Variants in PREPL observed in about 807,000 individuals in gnomAD.
PREPL encodes prolyl endopeptidase like, also known as prolyl endopeptidase-like.
A neutral mutation model predicts 70.6 loss-of-function variants in PREPL; 77 were observed. The observed-to-expected ratio is 1.09, with a 90% confidence interval of 0.91 to 1.32. PREPL has a LOEUF of 1.32. PREPL is among the 40% of genes most tolerant of loss of function. PREPL has a pLI of 0.00. For missense variants in PREPL, 1,002 were observed against 778.2 expected (o/e 1.29, Z -3.42); for synonymous variants, 315 against 264.8 (o/e 1.19, Z -1.84).
chr2:44,326,383 CTTT>C (rs554397665), intron 10 of PREPL, among the ~76,000 whole-genome samples: 3 of 128,194 alleles, frequency 2.3e-5, no homozygotes, highest in African/African-American at 2.9e-5. Flanking sequence ...TTTTTCTTTC[CTTT>C]TTTTTTTTTT....
At chr2:44,343,650 T>C in intron 4 of PREPL, 95 bp downstream of exon 4, 1 of 1,105,616 alleles carries the variant, frequency 9.0e-7, no homozygotes. Context: ...GAATCAGGCA[T>C]TCACCTTCTC....
chr2:44,323,777 A>C (rs1454602474), intron 10 of PREPL, among the ~76,000 whole-genome samples: 1 of 152,174 alleles, frequency 6.6e-6, no homozygotes, highest in Non-Finnish European at 1.5e-5. Flanking sequence ...CAACAACAAC[A>C]AGTATTGGCA....
intron 1 of PREPL, among the ~76,000 whole-genome samples, chr2:44,352,879 G>A (rs1340173750): frequency 6.6e-6 from 1 of 152,156 alleles, no homozygotes; most frequent in Non-Finnish European, 1.5e-5. Context: ...GAAAAGGACA[G>A]ACAATTAAAA....
At chr2:44,358,253 C>A (rs559837729) in intron 1 of PREPL, among the ~76,000 whole-genome samples, 1 of 152,028 alleles carries the variant, frequency 6.6e-6, no homozygotes, top group Non-Finnish European at 1.5e-5. Context: ...TACATGCATA[C>A]AACACAGATG....
intron 1 of PREPL, chr2:44,359,417 T>C: frequency 9.1e-7 from 1 of 1,096,984 alleles, no homozygotes; most frequent in Non-Finnish European, 1.3e-6. Context: ...TTAGTAGCTC[T>C]GATATTCTAC....
chr2:44,348,106 A>T (rs371482442), intron 1 of PREPL, among the ~76,000 whole-genome samples: 8 of 152,110 alleles, frequency 5.3e-5, no homozygotes, highest in Non-Finnish European at 5.9e-5. Flanking sequence ...CCCAGGCTGG[A>T]CTCAAACTCC....
At position 44,338,578 on chromosome 2, in the gene PREPL, C is replaced by T. The variant is rs368797435; in HGVS notation, c.703-42G>A. On this transcript the variant is annotated intron_variant, in intron 6 of 13. Coordinates refer to ENST00000409411, the MANE Select transcript of PREPL (RefSeq NM_001171613.2). The stretch of plus-strand genomic sequence containing the variant: ...TAGAAGACATATAGGTAAGAAAACA[C>T]GAAGGCTGCAGCATCCAGAGATGCA... 5.5e-4 allele frequency: 821 copies of T among 1,489,746 alleles called. 1 individual carries two copies. The highest frequency in any genetic ancestry group is 8.1e-4 in the South Asian group (65 of 80,010). 92.3% of individuals were successfully genotyped at this position (1,489,746 alleles called of 1,614,324 possible). A position where few individuals can be genotyped will look rare whatever the true frequency, so the allele number is the denominator to read the frequency against.
rs1352909559 is a variant in PREPL, at chr2:44,317,938, TAAAATG to T, written c.*3412_*3417del. 4.0e-6 allele frequency: 1 copy of T among 249,198 alleles called. No homozygotes were observed. Among genetic ancestry groups the T allele is most frequent in the Non-Finnish European group, 8.1e-6 (1 of 122,880 alleles). The allele number at this position is 249,198 out of a possible 1,614,324, so 15.4% of individuals were successfully genotyped here. A position where few individuals can be genotyped will look rare whatever the true frequency, so the allele number is the denominator to read the frequency against. Reference sequence around the variant, plus strand: ...AACACTAACATAAAACACAAAGAATTAAAATGAAGATATAGCAAGCAAATAATAGAA... The same window carrying T: ...AACACTAACATAAAACACAAAGAATTAAGATATAGCAAGCAAATAATAGAA... On this transcript the variant is annotated 3_prime_UTR_variant, in exon 14 of 14. Coordinates refer to ENST00000409411, the MANE Select transcript of PREPL (RefSeq NM_001171613.2).
chr2:44,357,566 G>C (rs1374853415), intron 1 of PREPL, among the ~76,000 whole-genome samples: 1 of 152,194 alleles, frequency 6.6e-6, no homozygotes, highest in Non-Finnish European at 1.5e-5. Context: ...GAGTTATTGA[G>C]TCAGGTTAAA....
In PREPL at chr2:44,319,930, A is replaced by T. The variant is rs2103636467; in HGVS notation, c.*1426T>A. 2.6e-6 allele frequency: 1 copy of T among 388,098 alleles called. No homozygotes were observed. Among genetic ancestry groups the T allele is most frequent in the East Asian group, 5.1e-5 (1 of 19,674 alleles). The allele number at this position is 388,098 out of a possible 1,614,324, so 24.0% of individuals were successfully genotyped here. A position where few individuals can be genotyped will look rare whatever the true frequency, so the allele number is the denominator to read the frequency against. On this transcript the variant is annotated 3_prime_UTR_variant, in exon 14 of 14. Transcript: ENST00000409411. ...GCTTTGGGACTCCTAAAGTGGAGTC[A>T]AATTTGATCTCTACAGAAACTCTAC...
At position 44,326,705 on chromosome 2, in the gene PREPL, T is replaced by TACTCACC; in HGVS notation, c.1479_1479+6dup. 6.2e-7 allele frequency: 1 copy of TACTCACC among 1,608,906 alleles called. No individual in the cohort carries two copies. Among genetic ancestry groups the TACTCACC allele is most frequent in the Non-Finnish European group, 8.5e-7 (1 of 1,175,926 alleles). ...TTCTATAAACAGTAGAGACAGAGCG[T>TACTCACC]ACTCACCTCCAAAGTCACCGCTCTC... On this transcript the variant is annotated splice_region_variant and intron_variant, in intron 10 of 13. Transcript: ENST00000409411.
chr2:44,342,466 A>G lies in PREPL; in HGVS notation c.436T>C (p.Phe146Leu). 1 of 1,613,424 alleles carries G rather than the reference A, an allele frequency of 6.2e-7. No individual in the cohort carries two copies. The highest frequency in any genetic ancestry group is 8.5e-7 in the Non-Finnish European group (1 of 1,179,556). Residue 146 changes from phenylalanine (F) to leucine (L), a missense_variant, in exon 5 of 14, where the codon TTT (phenylalanine) becomes CTT (leucine). Coordinates refer to ENST00000409411, the MANE Select transcript of PREPL (RefSeq NM_001171613.2). Reference sequence around the variant, plus strand: ...CGTTCATTACGTTTGTTATCACCAAAAGTGGCTCGATATACGTCATGACAG... The same window carrying G: ...CGTTCATTACGTTTGTTATCACCAAGAGTGGCTCGATATACGTCATGACAG... ...LRCHDVYRATFGDNKRNERFY... is the reference protein window; with the variant it reads ...LRCHDVYRATLGDNKRNERFY...
chr2:44,353,750 C>G (rs1482941104), intron 1 of PREPL, among the ~76,000 whole-genome samples: 1 of 152,054 alleles, frequency 6.6e-6, no homozygotes. Flanking sequence ...GACACCAAGA[C>G]AATTCAATGG....
chr2:44,348,253 T>C (rs1192944303), intron 1 of PREPL, among the ~76,000 whole-genome samples: 2 of 152,204 alleles, frequency 1.3e-5, no homozygotes, highest in Non-Finnish European at 2.9e-5. Flanking sequence ...ATATTTATTT[T>C]TCATTCATTT....
chr2:44,350,838 C>T (rs1676340932), intron 1 of PREPL, among the ~76,000 whole-genome samples: 1 of 152,106 alleles, frequency 6.6e-6, no homozygotes, highest in Non-Finnish European at 1.5e-5. Context: ...TACAATTGAT[C>T]ACTTCCTCCT....
At chr2:44,359,749 G>C (rs1677462315) in intron 1 of PREPL, 1 of 1,439,308 alleles carries the variant, frequency 6.9e-7, no homozygotes, top group Non-Finnish European at 9.8e-7. Flanking sequence ...CTCCTTTTGG[G>C]GCTGCCAGCA....
At chr2:44,347,344 A>G (rs1448268520) in intron 1 of PREPL, 3 of 152,196 alleles carry the variant, frequency 2.0e-5, no homozygotes, top group African/African-American at 4.8e-5. Flanking sequence ...AACAACAAAA[A>G]AAAGGGAATT....
At chr2:44,358,695 T>C (rs1677318556) in intron 1 of PREPL, among the ~76,000 whole-genome samples, 2 of 152,206 alleles carry the variant, frequency 1.3e-5, no homozygotes, top group Admixed American at 6.5e-5. Context: ...ACTCTCTATA[T>C]AAGGGCAATC....
chr2:44,353,384 A>G (rs991137176), intron 1 of PREPL, among the ~76,000 whole-genome samples: 1 of 152,194 alleles, frequency 6.6e-6, no homozygotes, highest in Admixed American at 6.5e-5. Context: ...CAGGAGTTTG[A>G]GACCAGCCTG....
Sources: gnomAD v4.1 joint callset for allele counts (sites outside exome capture counted in the v4.1 genomes callset) on GRCh38, gnomAD v4.1.1 for gene constraint, MANE v1.5 for transcripts, NCBI Gene and HGNC (gene_info 2026-07-23, HGNC 2026-07-21) for gene names.